The following CAST variants were observed in gnomAD, a reference collection of about 807,000 sequenced individuals.
CAST encodes the protein calpastatin, also known as MIR583 host.
In CAST, 76 loss-of-function variants were observed where a neutral mutation model predicts 119.6. That is an observed-to-expected ratio of 0.64 (90% CI 0.53 to 0.77). The LOEUF (loss-of-function observed/expected upper bound fraction) is 0.77. Among genes scored for constraint, CAST ranks in the 30% least tolerant of loss-of-function variants. The probability of loss-of-function intolerance (pLI) is 0.00; values close to 1 mark genes in which losing one functional copy is unlikely to be tolerated. For missense variants in CAST, 953 were observed against 946.5 expected (o/e 1.01, Z -0.09); for synonymous variants, 319 against 331.6 (o/e 0.96, Z 0.41).
the CAST span, among the ~76,000 whole-genome samples, chr5:96,298,343 T>C: frequency 2.0e-5 from 3 of 152,238 alleles, no homozygotes; most frequent in Non-Finnish European, 4.4e-5. Flanking sequence ...CCACCCTTGC[T>C]AGACAATCCA....
At chr5:96,559,530 G>A (rs1337603982) in intron 1 of CAST, among the ~76,000 whole-genome samples, 3 of 152,272 alleles carry the variant, frequency 2.0e-5, no homozygotes, top group East Asian at 3.9e-4. Context: ...CAAAATCAAT[G>A]TGCAAAAATC....
the CAST span, among the ~76,000 whole-genome samples, chr5:96,486,836 G>A: frequency 4.6e-5 from 7 of 152,108 alleles, no homozygotes; most frequent in African/African-American, 1.2e-4. Flanking sequence ...CCTGTGAGAC[G>A]TCCCTGGTTA....
the CAST span, among the ~76,000 whole-genome samples, chr5:96,178,923 T>C: frequency 6.6e-6 from 1 of 152,222 alleles, no homozygotes; most frequent in East Asian, 1.9e-4. Context: ...TCCTTCTGTG[T>C]TCCTGATCTC....
the CAST span, among the ~76,000 whole-genome samples, chr5:96,289,848 T>C: frequency 6.6e-6 from 1 of 152,200 alleles, no homozygotes; most frequent in African/African-American, 2.4e-5. Context: ...CAGTAGCGTT[T>C]GTCTTATAAA....
At chr5:96,057,237 CA>C in the CAST span, among the ~76,000 whole-genome samples, 1,314 of 152,274 alleles carry the variant, frequency 8.6e-3, 25 homozygotes, top group African/African-American at 0.03. Context: ...AACCTTTAGG[CA>C]GAACTTAAAA....
the CAST span, among the ~76,000 whole-genome samples, chr5:96,178,390 G>A: frequency 6.6e-6 from 1 of 151,890 alleles, no homozygotes; most frequent in Non-Finnish European, 1.5e-5. Context: ...TAATTCTTAG[G>A]TCTACACATG....
At chr5:96,328,256 T>C in the CAST span, among the ~76,000 whole-genome samples, 11 of 152,236 alleles carry the variant, frequency 7.2e-5, no homozygotes, top group Non-Finnish European at 1.2e-4. Context: ...TCCCAGGGAA[T>C]TGCCCAGAAG....
At chr5:96,668,063 T>G (rs1749569774) in intron 1 of CAST, among the ~76,000 whole-genome samples, 1 of 152,204 alleles carries the variant, frequency 6.6e-6, no homozygotes. Context: ...CCTCTTCATA[T>G]ACCAATCATT....
the CAST span, among the ~76,000 whole-genome samples, chr5:96,463,294 A>G: frequency 7.2e-5 from 11 of 152,108 alleles, no homozygotes; most frequent in African/African-American, 2.7e-4. Flanking sequence ...ATTAGGGCGG[A>G]TTTGGAAAAG....
rs529696595 is a variant in CAST, at chr5:96,609,383, A to G, written c.61-66156A>G. On this transcript the variant is annotated intron_variant, in intron 1 of 11. Transcript: ENST00000505143. The stretch of plus-strand genomic sequence containing the variant: ...CATGAAGTAGAAATATAGGATTTTT[A>G]TGGACTTTGAGATAAACCATTTAAA... Among the ~76,000 whole-genome samples, 8 of 151,958 alleles carry G rather than the reference A, an allele frequency of 5.3e-5. No homozygotes were observed. In the South Asian group the frequency reaches 1.5e-3, roughly 28 times the overall value.
chr5:96,223,223 T>G, the CAST span, among the ~76,000 whole-genome samples: 1 of 152,096 alleles, frequency 6.6e-6, no homozygotes, highest in South Asian at 2.1e-4. Context: ...AGGGTGACCA[T>G]AGTTAGCAAA....
the CAST span, among the ~76,000 whole-genome samples, chr5:96,203,744 C>T: frequency 0.72 from 109,734 of 151,878 alleles, 39,849 homozygotes; most frequent in African/African-American, 0.79. Context: ...CAAACCCTCA[C>T]AGCCACATAT....
chr5:96,449,958 G>A, the CAST span, among the ~76,000 whole-genome samples: 1 of 152,188 alleles, frequency 6.6e-6, no homozygotes, highest in African/African-American at 2.4e-5. Context: ...GTAGATTCCT[G>A]AGAAACAGTG....
At chr5:96,749,924 GT>G (rs904683725) in intron 19 of CAST, among the ~76,000 whole-genome samples, 3 of 151,500 alleles carry the variant, frequency 2.0e-5, no homozygotes, top group South Asian at 2.1e-4. Flanking sequence ...CATCTGGAGA[GT>G]TTTTTTTTAA....
the CAST span, among the ~76,000 whole-genome samples, chr5:96,375,004 G>C: frequency 6.6e-6 from 1 of 152,126 alleles, no homozygotes; most frequent in Non-Finnish European, 1.5e-5. Context: ...CCAATTCTCT[G>C]ACTCTTTGAG....
chr5:96,292,418 G>A, the CAST span, among the ~76,000 whole-genome samples: 7 of 152,190 alleles, frequency 4.6e-5, no homozygotes, highest in East Asian at 3.9e-4. Context: ...AGTTCTCAAC[G>A]TTATCTGTTG....
chr5:96,433,609 G>T, the CAST span, among the ~76,000 whole-genome samples: 2 of 152,258 alleles, frequency 1.3e-5, no homozygotes, highest in African/African-American at 2.4e-5. Context: ...GGCGGGGAGG[G>T]GGGGAGGCTA....
the CAST span, among the ~76,000 whole-genome samples, chr5:96,409,690 G>A: frequency 6.6e-6 from 1 of 152,330 alleles, no homozygotes; most frequent in East Asian, 1.9e-4. Context: ...ACAGCCAGGG[G>A]CTCTGAAGAC....
chr5:96,137,701 A>G, the CAST span, among the ~76,000 whole-genome samples: 1 of 152,102 alleles, frequency 6.6e-6, no homozygotes, highest in Non-Finnish European at 1.5e-5. Flanking sequence ...GTAGATATAT[A>G]GTGGTATCTT....
Sources: allele counts gnomAD v4.1 joint callset (sites outside exome capture counted in the v4.1 genomes callset), GRCh38; gene constraint gnomAD v4.1.1; transcripts MANE v1.5; gene names NCBI Gene and HGNC (gene_info 2026-07-23, HGNC 2026-07-21).